Variants in JPH3 observed in about 807,000 individuals in gnomAD.
JPH3 encodes the protein junctophilin 3.
In JPH3, 11 loss-of-function variants were observed where a neutral mutation model predicts 59.6. That is an observed-to-expected ratio of 0.18 (90% CI 0.12 to 0.31). The LOEUF is 0.31. Among genes scored for constraint, JPH3 ranks in the 10% least tolerant of loss-of-function variants. JPH3 has a pLI of 1.00. For synonymous variants in JPH3, 673 were observed against 483.6 expected (o/e 1.39, Z -5.14); for missense variants, 1,202 against 1,105.7 (o/e 1.09, Z -1.24).
chr16:87,696,343 A>T, intron 4 of JPH3: 2 of 575,694 alleles, frequency 3.5e-6, no homozygotes, highest in Non-Finnish European at 6.2e-6. Flanking sequence ...ATTCCAAGGG[A>T]ATTCCAGGAC....
chr16:87,645,075 A>G (rs748538917), intron 2 of JPH3, 40 bp downstream of exon 2: 4 of 1,565,182 alleles, frequency 2.6e-6, no homozygotes, highest in Non-Finnish European at 3.4e-6. Flanking sequence ...CTTGGTGCCC[A>G]GAAGGTGTTT....
At chr16:87,621,773 G>T (rs1031009607) in intron 1 of JPH3, among the ~76,000 whole-genome samples, 2 of 152,184 alleles carry the variant, frequency 1.3e-5, no homozygotes, top group South Asian at 4.1e-4. Flanking sequence ...TGGGTGGGTG[G>T]TGGGGAGGGG....
intron 1 of JPH3, among the ~76,000 whole-genome samples, chr16:87,623,933 T>C (rs1422062776): frequency 6.6e-6 from 1 of 152,212 alleles, no homozygotes; most frequent in Admixed American, 6.5e-5. Flanking sequence ...ATAATGGGAA[T>C]GGAGGGTGTT....
At chr16:87,616,592 C>A (rs1038787361) in intron 1 of JPH3, among the ~76,000 whole-genome samples, 2 of 152,050 alleles carry the variant, frequency 1.3e-5, no homozygotes, top group African/African-American at 4.8e-5. Flanking sequence ...TTTGAGATCA[C>A]CGTAGATTCC....
intron 2 of JPH3, among the ~76,000 whole-genome samples, chr16:87,657,132 A>C (rs1010068426): frequency 6.6e-6 from 1 of 152,170 alleles, no homozygotes. Flanking sequence ...TGTTAGGAGG[A>C]GGCCAGGCCA....
Position 87,690,416 on chromosome 16 carries a change from G to A in JPH3, c.2056G>A (p.Ala686Thr), listed in dbSNP as rs758368125. ...ACTGGCGAGCCTGCGGCTGGGCGGG[G>A]CCGAGCCCCGGTTGCTGCGTTGGGA... ...QKLASLRLGG[A>T]EPRLLRWDLT... Residue 686 changes from alanine (A) to threonine (T), a missense_variant, in exon 4 of 5, where the codon GCC (alanine) becomes ACC (threonine). Transcript: ENST00000284262. 2.0e-6 allele frequency: 3 copies of A among 1,500,784 alleles called. No homozygotes were observed. Among genetic ancestry groups the A allele is most frequent in the African/African-American group, 2.8e-5 (2 of 70,994 alleles). 93.0% of individuals were successfully genotyped at this position (1,500,784 alleles called of 1,614,324 possible).
chr16:87,635,482 C>G (rs948992053), intron 1 of JPH3, among the ~76,000 whole-genome samples: 1 of 152,146 alleles, frequency 6.6e-6, no homozygotes, highest in Non-Finnish European at 1.5e-5. Flanking sequence ...CTGTGCTGGC[C>G]CAGGGCTCTG....
chr16:87,696,286 G>A (rs1677994930), intron 4 of JPH3: 1 of 508,184 alleles, frequency 2.0e-6, no homozygotes, highest in Non-Finnish European at 3.6e-6. Flanking sequence ...TTCTCTCCAA[G>A]GGGACCCTGG....
At chr16:87,696,093 C>T (rs74589749) in intron 4 of JPH3, 59,488 of 457,128 alleles carry the variant, frequency 0.13, 4,439 homozygotes, top group Middle Eastern at 0.22. Flanking sequence ...ACTGTGCTCA[C>T]GGACTTTGGG....
intron 1 of JPH3, among the ~76,000 whole-genome samples, chr16:87,606,544 C>G (rs1179272734): frequency 6.6e-6 from 1 of 152,190 alleles, no homozygotes; most frequent in Non-Finnish European, 1.5e-5. Context: ...GCATCCTGGG[C>G]TTGAATCCCT....
At chr16:87,630,041 C>G (rs1567589015) in intron 1 of JPH3, among the ~76,000 whole-genome samples, 1 of 152,126 alleles carries the variant, frequency 6.6e-6, no homozygotes, top group Admixed American at 6.5e-5. Context: ...GTGGAAGAAG[C>G]AAAGTCAAAA....
chr16:87,679,964 T>C lies in JPH3; in HGVS notation c.1161-4178T>C, dbSNP rs547666319. Among the ~76,000 whole-genome samples the C allele has an allele frequency of 5.3e-5, 8 of 152,350 alleles. No individual in the cohort carries two copies. The South Asian group carries it at 1.7e-3, about 32-fold the overall frequency. On this transcript the variant is annotated intron_variant, in intron 2 of 4. Coordinates refer to ENST00000284262, the MANE Select transcript of JPH3 (RefSeq NM_020655.4). Reference sequence around the variant, plus strand: ...TGGGTGCACCCCAACCCCACCCAGCTGACCAGCCTGTTGGGGGGCCTGTGG... The same window carrying C: ...TGGGTGCACCCCAACCCCACCCAGCCGACCAGCCTGTTGGGGGGCCTGTGG...
At chr16:87,603,573 T>C (rs1249722422) in intron 1 of JPH3, 45 bp downstream of exon 1, 7 of 1,526,556 alleles carry the variant, frequency 4.6e-6, no homozygotes, top group Non-Finnish European at 6.2e-6. Flanking sequence ...AGGGACGTGC[T>C]TCCGATCGCG....
intron 1 of JPH3, among the ~76,000 whole-genome samples, chr16:87,630,603 T>C (rs1597246812): frequency 6.6e-6 from 1 of 152,200 alleles, no homozygotes; most frequent in East Asian, 1.9e-4. Flanking sequence ...AACGCATCTT[T>C]CCTTCCCCTC....
chr16:87,625,744 G>A (rs888787694), intron 1 of JPH3, among the ~76,000 whole-genome samples: 2 of 152,226 alleles, frequency 1.3e-5, no homozygotes, highest in African/African-American at 2.4e-5. Context: ...GGCTGAAGAA[G>A]TGACCCAGGG....
Position 87,603,135 on chromosome 16 carries a change from C to G in JPH3, c.-12C>G, listed in dbSNP as rs1597228265. The G allele has an allele frequency of 6.2e-7, 1 of 1,613,706 alleles. No homozygotes were observed. The highest frequency in any genetic ancestry group is 1.3e-5 in the African/African-American group (1 of 74,916). ...TTTCACCGTTTGCGGGATCTGGAAC[C>G]GAGTTACATGCATGTCCAGTGGGGG... On this transcript the variant is annotated 5_prime_UTR_variant, in exon 1 of 5. Coordinates refer to ENST00000284262, the MANE Select transcript of JPH3 (RefSeq NM_020655.4).
chr16:87,659,540 T>C (rs1434663724), intron 2 of JPH3, among the ~76,000 whole-genome samples: 1 of 151,992 alleles, frequency 6.6e-6, no homozygotes, highest in Non-Finnish European at 1.5e-5. Flanking sequence ...TGGGCCAACA[T>C]GGTGAAATTC....
Position 87,602,922 on chromosome 16 carries a change from A to G in JPH3, c.-225A>G. 2 of 305,424 alleles carry G rather than the reference A, an allele frequency of 6.5e-6. No individual in the cohort carries two copies. Among genetic ancestry groups the G allele is most frequent in the Non-Finnish European group, 1.2e-5 (2 of 171,682 alleles). 18.9% of individuals were successfully genotyped at this position (305,424 alleles called of 1,614,324 possible). A position where few individuals can be genotyped will look rare whatever the true frequency, so the allele number is the denominator to read the frequency against. On this transcript the variant is annotated 5_prime_UTR_variant, in exon 1 of 5. Coordinates refer to ENST00000284262, the MANE Select transcript of JPH3 (RefSeq NM_020655.4). The stretch of plus-strand genomic sequence containing the variant: ...CCAGCGGGAGCGCGAGACGCTGGTC[A>G]GGCTCCGCGGCGCAGCTCGAAAAGG...
chr16:87,631,841 T>C (rs1251819505), intron 1 of JPH3, among the ~76,000 whole-genome samples: 1 of 152,236 alleles, frequency 6.6e-6, no homozygotes, highest in African/African-American at 2.4e-5. Flanking sequence ...TTTTAGCTAT[T>C]ATACTTTTAA....
Sources: gnomAD v4.1 joint callset for allele counts (sites outside exome capture counted in the v4.1 genomes callset) on GRCh38, gnomAD v4.1.1 for gene constraint, MANE v1.5 for transcripts, NCBI Gene and HGNC (gene_info 2026-07-23, HGNC 2026-07-21) for gene names.